Variants in SMIM35 observed in about 807,000 individuals in gnomAD.
SMIM35 encodes TMPRSS4 antisense RNA 1 (non-protein coding).
intron 1 of SMIM35, chr11:118,028,804 A>G (rs1424882844): frequency 2.2e-6 from 1 of 452,910 alleles, no homozygotes; most frequent in Non-Finnish European, 4.4e-6. Flanking sequence ...AGAAAAAACA[A>G]GGAGAAACAA....
intron 1 of SMIM35, among the ~76,000 whole-genome samples, chr11:118,061,875 C>G (rs1157915281): frequency 1.3e-5 from 2 of 152,164 alleles, no homozygotes; most frequent in African/African-American, 4.8e-5. Flanking sequence ...ACTTTTGCAG[C>G]CCACAGCAAA....
Position 118,005,275 on chromosome 11 carries a change from G to A in SMIM35, c.*1135C>T, listed in dbSNP as rs2058115404. On this transcript the variant is annotated 3_prime_UTR_variant, in exon 5 of 5. Transcript: ENST00000689828. ...GGAAACAACTTATAGCGACCACATTGCAGGTGATTCCAGCACACACTGAGT... is the reference window on the plus strand; with the variant it reads ...GGAAACAACTTATAGCGACCACATTACAGGTGATTCCAGCACACACTGAGT... The A allele has an allele frequency of 6.6e-6, 1 of 152,196 alleles. No homozygotes were observed. The highest frequency in any genetic ancestry group is 1.5e-5 in the Non-Finnish European group (1 of 68,040). 9.4% of individuals were successfully genotyped at this position (152,196 alleles called of 1,614,324 possible).
chr11:118,085,471 T>G (rs1399188625), intron 1 of SMIM35, among the ~76,000 whole-genome samples: 1 of 152,128 alleles, frequency 6.6e-6, no homozygotes, highest in Non-Finnish European at 1.5e-5. Flanking sequence ...TCAGTCCCAA[T>G]CAGTTCCTTT....
At chr11:118,081,994 C>T (rs966610934) in intron 1 of SMIM35, among the ~76,000 whole-genome samples, 1 of 152,214 alleles carries the variant, frequency 6.6e-6, no homozygotes, top group Non-Finnish European at 1.5e-5. Context: ...AGCCCCCTCA[C>T]CTTCATCCCA....
At chr11:118,043,908 T>C (rs1027880438) in intron 1 of SMIM35, among the ~76,000 whole-genome samples, 5 of 151,566 alleles carry the variant, frequency 3.3e-5, no homozygotes, top group Admixed American at 2.6e-4. Context: ...GTTTTTTTTT[T>C]AGGCGATGAA....
At chr11:118,076,227 G>A (rs543783034) in intron 1 of SMIM35, among the ~76,000 whole-genome samples, 5 of 152,238 alleles carry the variant, frequency 3.3e-5, no homozygotes, top group South Asian at 4.2e-4. Flanking sequence ...AGCCAAGATC[G>A]CGCCACTGCA....
chr11:118,069,444 G>A (rs1354782701), intron 1 of SMIM35, among the ~76,000 whole-genome samples: 2 of 152,068 alleles, frequency 1.3e-5, no homozygotes, highest in African/African-American at 4.8e-5. Flanking sequence ...TCTGTGGCAG[G>A]AGTTATGTTT....
At chr11:118,022,358 G>A (rs932723556) in intron 1 of SMIM35, among the ~76,000 whole-genome samples, 1 of 151,842 alleles carries the variant, frequency 6.6e-6, no homozygotes, top group Non-Finnish European at 1.5e-5. Context: ...CCAACAATAA[G>A]TCTTAGTAAG....
chr11:118,070,215 T>C lies in SMIM35; in HGVS notation c.7+16536A>G, dbSNP rs1944550100. Among the ~76,000 whole-genome samples, 3 of 152,026 alleles carry C rather than the reference T, an allele frequency of 2.0e-5. No individual in the cohort carries two copies. The South Asian group carries it at 6.3e-4, about 32-fold the overall frequency. On this transcript the variant is annotated intron_variant, in intron 1 of 4. Coordinates refer to ENST00000689828, the MANE Select transcript of SMIM35 (RefSeq NM_001394165.1). Reference sequence around the variant, plus strand: ...TTTTTTGAGGTGGAGTTTCACTCATTGCCCAGGCTGGAGTGCAATGGTGCG... The same window carrying C: ...TTTTTTGAGGTGGAGTTTCACTCATCGCCCAGGCTGGAGTGCAATGGTGCG...
chr11:118,052,603 G>A (rs1464424806), intron 1 of SMIM35, among the ~76,000 whole-genome samples: 1 of 151,990 alleles, frequency 6.6e-6, no homozygotes. Flanking sequence ...CACATAGAAT[G>A]CTTCTCTCCT....
intron 1 of SMIM35, among the ~76,000 whole-genome samples, chr11:118,060,103 GC>G (rs201133259): frequency 0.035 from 5,286 of 152,300 alleles, 138 homozygotes; most frequent in South Asian, 0.092. Context: ...CTGTGCCCAA[GC>G]CCAGTCCCTT....
chr11:118,026,199 G>A (rs1279897842), intron 1 of SMIM35, among the ~76,000 whole-genome samples: 1 of 152,192 alleles, frequency 6.6e-6, no homozygotes, highest in African/African-American at 2.4e-5. Context: ...CTGTAGCCTT[G>A]TAGTATAGTT....
At position 118,058,910 on chromosome 11, in the gene SMIM35, G is replaced by A. The variant is rs368884617; in HGVS notation, c.7+27841C>T. Among the ~76,000 whole-genome samples the A allele has an allele frequency of 2.4e-4, 36 of 152,334 alleles. No homozygotes were observed. The East Asian group carries it at 6.4e-3, about 27-fold the overall frequency. On this transcript the variant is annotated intron_variant, in intron 1 of 4. Transcript: ENST00000689828. Reference sequence around the variant, plus strand: ...TGCTGGTAACTACAGAGAAGCAGGAGAGAGGTCAAAAAGGGCAAGAGGGGC... The same window carrying A: ...TGCTGGTAACTACAGAGAAGCAGGAAAGAGGTCAAAAAGGGCAAGAGGGGC...
At chr11:118,057,253 A>T (rs1296697205) in intron 1 of SMIM35, among the ~76,000 whole-genome samples, 1 of 152,154 alleles carries the variant, frequency 6.6e-6, no homozygotes, top group Non-Finnish European at 1.5e-5. Context: ...ACCAAAGTGC[A>T]CTCAGGAAGG....
At chr11:118,075,174 G>C (rs1249782831) in intron 1 of SMIM35, among the ~76,000 whole-genome samples, 1 of 152,196 alleles carries the variant, frequency 6.6e-6, no homozygotes, top group Non-Finnish European at 1.5e-5. Flanking sequence ...CTGCTGGGGA[G>C]GTGCCTGCCT....
intron 1 of SMIM35, among the ~76,000 whole-genome samples, chr11:118,044,592 A>G (rs1356311720): frequency 6.6e-6 from 1 of 151,938 alleles, no homozygotes; most frequent in Non-Finnish European, 1.5e-5. Context: ...ACTTGAGGTC[A>G]GTGAAACCCT....
intron 1 of SMIM35, among the ~76,000 whole-genome samples, chr11:118,038,816 C>T (rs11216721): frequency 0.04 from 6,042 of 152,112 alleles, 205 homozygotes; most frequent in East Asian, 0.19. Context: ...ACAATAATAA[C>T]ATTTTAGGCA....
intron 1 of SMIM35, among the ~76,000 whole-genome samples, chr11:118,034,086 G>T (rs977260202): frequency 6.6e-6 from 1 of 151,904 alleles, no homozygotes; most frequent in African/African-American, 2.4e-5. Flanking sequence ...TGACCAACAT[G>T]GTGAAACCCC....
chr11:118,068,342 G>T (rs1433770134), intron 1 of SMIM35, among the ~76,000 whole-genome samples: 2 of 151,996 alleles, frequency 1.3e-5, no homozygotes, highest in African/African-American at 2.4e-5. Context: ...GAGCCCTCCG[G>T]CTCTGTGTGC....
Sources: gnomAD v4.1 joint callset for allele counts (sites outside exome capture counted in the v4.1 genomes callset) on GRCh38, gnomAD v4.1.1 for gene constraint, MANE v1.5 for transcripts, NCBI Gene and HGNC (gene_info 2026-07-23, HGNC 2026-07-21) for gene names.